FBXL17: variants seen among roughly 807,000 people sequenced by gnomAD.
The protein encoded by FBXL17 is F-box and leucine rich repeat protein 17.
A neutral mutation model predicts 66.2 loss-of-function variants in FBXL17; 22 were observed. That is an observed-to-expected ratio of 0.33 (90% CI 0.24 to 0.47). FBXL17 has a LOEUF of 0.47. Among genes scored for constraint, FBXL17 ranks in the 20% least tolerant of loss-of-function variants. The pLI, the probability that FBXL17 is intolerant of heterozygous loss-of-function variation, is 1.00. For missense variants in FBXL17, 878 were observed against 948.2 expected (o/e 0.93, Z 0.97); for synonymous variants, 474 against 400.5 (o/e 1.18, Z -2.19).
intron 4 of FBXL17, among the ~76,000 whole-genome samples, chr5:108,272,338 CAACAAACGT>C (rs1456082582): frequency 1.3e-5 from 2 of 149,354 alleles, no homozygotes; most frequent in Non-Finnish European, 3.0e-5. Context: ...GAAAAGCAAC[CAACAAACGT>C]TAGCTATAAT....
At chr5:108,119,679 GTTACT>G (rs1460738328) in intron 6 of FBXL17, among the ~76,000 whole-genome samples, 4 of 152,146 alleles carry the variant, frequency 2.6e-5, no homozygotes, top group Non-Finnish European at 5.9e-5. Context: ...ATAGTAACTT[GTTACT>G]TTACTTAGAC....
intron 4 of FBXL17, among the ~76,000 whole-genome samples, chr5:108,331,370 TGTTTG>T (rs1274135826): frequency 6.6e-6 from 1 of 152,232 alleles, no homozygotes; most frequent in Non-Finnish European, 1.5e-5. Context: ...GCAAATATTC[TGTTTG>T]GTTTGATTTC....
At chr5:108,277,778 A>C (rs924658905) in intron 4 of FBXL17, among the ~76,000 whole-genome samples, 2 of 152,250 alleles carry the variant, frequency 1.3e-5, no homozygotes, top group Non-Finnish European at 2.9e-5. Context: ...GAATAAAAGC[A>C]AGTCACATGA....
chr5:107,895,253 A>G (rs1327349614), intron 7 of FBXL17, among the ~76,000 whole-genome samples: 2 of 152,052 alleles, frequency 1.3e-5, no homozygotes, highest in Non-Finnish European at 2.9e-5. Flanking sequence ...AAGTTCTTGT[A>G]TGCTTGAGGA....
chr5:108,118,727 T>C (rs1204169782), intron 6 of FBXL17, among the ~76,000 whole-genome samples: 3 of 152,202 alleles, frequency 2.0e-5, no homozygotes, highest in Non-Finnish European at 4.4e-5. Context: ...TCCATAGTCC[T>C]TCATGCTCCA....
intron 7 of FBXL17, among the ~76,000 whole-genome samples, chr5:107,906,959 G>A (rs1375602872): frequency 6.6e-6 from 1 of 152,162 alleles, no homozygotes; most frequent in Admixed American, 6.5e-5. Context: ...GGCAAGTAAT[G>A]TGATACTGAA....
At chr5:108,306,091 G>A (rs1758826567) in intron 4 of FBXL17, among the ~76,000 whole-genome samples, 1 of 151,956 alleles carries the variant, frequency 6.6e-6, no homozygotes, top group Non-Finnish European at 1.5e-5. Context: ...TACATAAATG[G>A]AAGAATACAT....
At chr5:108,206,885 G>A (rs1043599300) in intron 5 of FBXL17, among the ~76,000 whole-genome samples, 3 of 152,076 alleles carry the variant, frequency 2.0e-5, no homozygotes, top group Non-Finnish European at 2.9e-5. Flanking sequence ...ATACCGAGTC[G>A]TGAAATGACT....
intron 7 of FBXL17, among the ~76,000 whole-genome samples, chr5:107,898,493 G>A (rs1388238421): frequency 6.6e-6 from 1 of 151,894 alleles, no homozygotes; most frequent in Non-Finnish European, 1.5e-5. Flanking sequence ...TTATGATTTT[G>A]TTATTAACAT....
At chr5:107,961,407 T>G (rs995793428) in intron 7 of FBXL17, among the ~76,000 whole-genome samples, 3 of 151,920 alleles carry the variant, frequency 2.0e-5, no homozygotes, top group African/African-American at 7.3e-5. Context: ...GTAATTTTTT[T>G]GGTAGGGACA....
chr5:107,931,257 ATTTTT>A (rs59275945), intron 7 of FBXL17, among the ~76,000 whole-genome samples: 2 of 113,750 alleles, frequency 1.8e-5, no homozygotes, highest in Non-Finnish European at 1.9e-5. Flanking sequence ...GTTAAAGAGA[ATTTTT>A]TTTTTTTTTT....
At chr5:108,250,131 G>C (rs897042137) in intron 4 of FBXL17, among the ~76,000 whole-genome samples, 1 of 152,084 alleles carries the variant, frequency 6.6e-6, no homozygotes, top group Non-Finnish European at 1.5e-5. Context: ...CACTGCAACT[G>C]CTACCAATCA....
intron 4 of FBXL17, among the ~76,000 whole-genome samples, chr5:108,245,012 A>G (rs993056816): frequency 2.6e-5 from 4 of 152,186 alleles, no homozygotes; most frequent in African/African-American, 9.6e-5. Flanking sequence ...GGTCTTAAAG[A>G]TATAAAATCT....
chr5:108,266,916 T>C (rs1757068330), intron 4 of FBXL17, among the ~76,000 whole-genome samples: 1 of 152,104 alleles, frequency 6.6e-6, no homozygotes, highest in African/African-American at 2.4e-5. Context: ...GGATCCCTCA[T>C]GGATAAGGGG....
At chr5:107,962,919 C>CAAAA (rs2112631711) in intron 7 of FBXL17, among the ~76,000 whole-genome samples, 1 of 152,014 alleles carries the variant, frequency 6.6e-6, no homozygotes, top group East Asian at 1.9e-4. Context: ...ACAATGCATA[C>CAAAA]CACCCAAATC....
At chr5:108,232,497 C>T (rs965995190) in intron 4 of FBXL17, among the ~76,000 whole-genome samples, 1 of 151,818 alleles carries the variant, frequency 6.6e-6, no homozygotes, top group African/African-American at 2.4e-5. Context: ...AGGAGATTAA[C>T]ATTTGAGTCA....
intron 2 of FBXL17, 106 bp from the exon 3 acceptor site, chr5:108,365,101 A>ATC: frequency 8.3e-6 from 6 of 726,318 alleles, no homozygotes; most frequent in South Asian, 2.1e-5. Flanking sequence ...ATTAGATTAT[A>ATC]GCATGAACGA....
At chr5:107,892,425 G>A (rs1046641066) in intron 7 of FBXL17, among the ~76,000 whole-genome samples, 15 of 151,848 alleles carry the variant, frequency 9.9e-5, no homozygotes, top group African/African-American at 3.6e-4. Context: ...GAGATTACAG[G>A]TAATACATAT....
intron 6 of FBXL17, among the ~76,000 whole-genome samples, chr5:108,110,721 T>G (rs1292720647): frequency 2.0e-5 from 3 of 152,140 alleles, no homozygotes; most frequent in Admixed American, 6.5e-5. Context: ...ACTGCAGCTT[T>G]CTTTCTTTTT....
Sources: gnomAD v4.1 joint callset for allele counts (sites outside exome capture counted in the v4.1 genomes callset) on GRCh38, gnomAD v4.1.1 for gene constraint, MANE v1.5 for transcripts, NCBI Gene and HGNC (gene_info 2026-07-23, HGNC 2026-07-21) for gene names.